Variants in FMNL1 observed in about 807,000 individuals in gnomAD.
FMNL1 encodes formin like 1, also known as formin-like protein 1.
FMNL1 carries 43 observed loss-of-function variants against 121.3 expected under a neutral mutation model. The ratio of observed to expected loss-of-function variants is 0.35; its 90% confidence interval spans 0.28 to 0.46. The LOEUF is 0.46. FMNL1 is among the 20% of genes least tolerant of loss of function. FMNL1 has a pLI of 1.00. For synonymous variants in FMNL1, 613 were observed against 613.5 expected (o/e 1.00, Z 0.01); for missense variants, 1,191 against 1,482.4 (o/e 0.80, Z 3.23).
chr17:45,228,774 G>A (rs1304719521), intron 1 of FMNL1, among the ~76,000 whole-genome samples: 1 of 152,182 alleles, frequency 6.6e-6, no homozygotes, highest in East Asian at 1.9e-4. Context: ...ATGTCGGGAA[G>A]CAGCTGTCCC....
Position 45,242,063 on chromosome 17 carries a change from TGCCTCCGCC to T in FMNL1, c.1806_1814del (p.Pro610_Pro612del). 1 of 1,414,322 alleles carries T rather than the reference TGCCTCCGCC, an allele frequency of 7.1e-7. No homozygotes were observed. The highest frequency in any genetic ancestry group is 1.2e-5 in the South Asian group (1 of 80,616). 87.6% of individuals were successfully genotyped at this position (1,414,322 alleles called of 1,614,324 possible). On this transcript the variant is annotated inframe_deletion, in exon 15 of 27. Transcript: ENST00000331495. ...CCACCTCCGGGCACTGACGGGCCGG[TGCCTCCGCC>T]GCCGCCGCCGCCGCCGCCGCCTCCC...
In FMNL1 at chr17:45,234,086, G is replaced by T. The variant is rs1439516512; in HGVS notation, c.500G>T (p.Ser167Ile). Residue 167 changes from serine (S) to isoleucine (I), a missense_variant, in exon 6 of 27, where the codon AGC (serine) becomes ATC (isoleucine). Transcript: ENST00000331495. ...AQCSVTYDME[S>I]TDNGASNSEK... is the part of the protein sequence containing the mutation. Reference sequence around the variant, plus strand: ...CCTGTCCCCAGGTATGACATGGAGAGCACAGACAACGGGGCTTCCAACTCA... The same window carrying T: ...CCTGTCCCCAGGTATGACATGGAGATCACAGACAACGGGGCTTCCAACTCA... 6.2e-7 allele frequency: 1 copy of T among 1,614,084 alleles called. No individual in the cohort carries two copies. Among genetic ancestry groups the T allele is most frequent in the South Asian group, 1.1e-5 (1 of 91,078 alleles).
At chr17:45,239,849 G>A (rs1263838644) in intron 11 of FMNL1, among the ~76,000 whole-genome samples, 3 of 150,968 alleles carry the variant, frequency 2.0e-5, no homozygotes, top group African/African-American at 4.9e-5. Flanking sequence ...AGGCTAGAGT[G>A]CAGTGACACG....
chr17:45,228,499 C>T (rs998304237), intron 1 of FMNL1, among the ~76,000 whole-genome samples: 7 of 152,212 alleles, frequency 4.6e-5, no homozygotes, highest in African/African-American at 1.2e-4. Context: ...TTACTGGCTT[C>T]GTAACCTTGG....
At chr17:45,246,007 G>A (rs758762659) in intron 24 of FMNL1, 34 bp downstream of exon 24, 4 of 1,524,432 alleles carry the variant, frequency 2.6e-6, no homozygotes, top group Non-Finnish European at 3.5e-6. Context: ...GTACTGGGCT[G>A]CAGGGATGCA....
intron 1 of FMNL1, among the ~76,000 whole-genome samples, chr17:45,227,575 C>G (rs2043354176): frequency 1.3e-5 from 2 of 152,188 alleles, no homozygotes; most frequent in Non-Finnish European, 2.9e-5. Context: ...TAGGCTGAGG[C>G]TAGTTAAGGT....
chr17:45,230,483 G>T, intron 1 of FMNL1, 121 bp from the exon 2 acceptor site: 1 of 804,594 alleles, frequency 1.2e-6, no homozygotes, highest in Non-Finnish European at 2.1e-6. Flanking sequence ...CCTAGGGTCA[G>T]AGGATTCATG....
chr17:45,233,558 C>T lies in FMNL1; in HGVS notation c.402-90C>T. Reference sequence around the variant, plus strand: ...ATTGGGTCTTTGGGGGTTGAAAGGGCACCCCAGGGGTCCTTGCTGTCCCTG... The same window carrying T: ...ATTGGGTCTTTGGGGGTTGAAAGGGTACCCCAGGGGTCCTTGCTGTCCCTG... On this transcript the variant is annotated intron_variant, in intron 4 of 26. Coordinates refer to ENST00000331495, the MANE Select transcript of FMNL1 (RefSeq NM_005892.4). This position sits in a 1 kb window ranked among gnomAD's most constrained non-coding sequence, Gnocchi z 4.1. 1 of 1,471,172 alleles carries T rather than the reference C, an allele frequency of 6.8e-7. No individual in the cohort carries two copies. Among genetic ancestry groups the T allele is most frequent in the Non-Finnish European group, 9.4e-7 (1 of 1,066,284 alleles). The allele number at this position is 1,471,172 out of a possible 1,614,324, so 91.1% of individuals were successfully genotyped here.
rs765383101 is a variant in FMNL1 at position 45,245,962 on chromosome 17, C to T, written c.3079C>T (p.Pro1027Ser). ...GADTPGKGEP[P>S]APKSPPKARR... Reference sequence around the variant, plus strand: ...TGATACCCCGGGCAAAGGGGAGCCCCCAGCACCCAAGGTAGGCAACTGCTC... The same window carrying T: ...TGATACCCCGGGCAAAGGGGAGCCCTCAGCACCCAAGGTAGGCAACTGCTC... Residue 1027 changes from proline (P) to serine (S), a missense_variant, in exon 24 of 27, where the codon CCA becomes TCA. Coordinates refer to ENST00000331495, the MANE Select transcript of FMNL1 (RefSeq NM_005892.4). The T allele has an allele frequency of 2.6e-6, 4 of 1,564,546 alleles. No homozygotes were observed. Among genetic ancestry groups the T allele is most frequent in the Non-Finnish European group, 3.4e-6 (4 of 1,161,452 alleles).
rs2043613465 is a variant in FMNL1, at chr17:45,238,806, A to T, written c.970-149A>T. The T allele has an allele frequency of 3.7e-6, 4 of 1,067,470 alleles. No individual in the cohort carries two copies. The South Asian group carries it at 5.8e-5, about 15-fold the overall frequency. The allele number at this position is 1,067,470 out of a possible 1,614,324, so 66.1% of individuals were successfully genotyped here. ...TGGCAGGGGGCTGGATTGAGGGAAC[A>T]TGGAGGTGAAATGTTGGGCAGGCCA... is the stretch of plus-strand genomic sequence containing the variant. On this transcript the variant is annotated intron_variant, in intron 10 of 26. Transcript: ENST00000331495.
At position 45,241,451 on chromosome 17, in the gene FMNL1, G is replaced by A. The variant is rs556132624; in HGVS notation, c.1402G>A (p.Ala468Thr). The A allele has an allele frequency of 3.2e-6, 5 of 1,566,808 alleles. No homozygotes were observed. In the South Asian group the frequency reaches 4.7e-5, roughly 15 times the overall value. ...RPPEPEKAPP[A>T]APTRPSALEL... ...CCCAGAGCCTGAGAAAGCGCCTCCC[G>A]CTGCCCCGACGCGGCCCTCGGCCCT... The change falls in exon 14 of 27, where the codon GCT becomes ACT. Residue 468 changes from alanine to threonine, a missense_variant. By Grantham distance (58) the Ala-to-Thr change is moderately conservative. This residue lies in a region of FMNL1 where 519 missense variants were observed against 492.8 expected (regional missense o/e 1.05). Coordinates refer to ENST00000331495, the MANE Select transcript of FMNL1 (RefSeq NM_005892.4). The surrounding 1 kb of genome is among the most constrained non-coding windows in gnomAD (Gnocchi z 7.0).
chr17:45,230,390 T>G (rs573767492), intron 1 of FMNL1, among the ~76,000 whole-genome samples: 14 of 152,248 alleles, frequency 9.2e-5, no homozygotes, highest in African/African-American at 3.4e-4. Flanking sequence ...CAAATCCTGC[T>G]CTCCCTTCTA....
rs1228289595 is a variant in FMNL1 at position 45,234,119 on chromosome 17, A to T, written c.533A>T (p.Asn178Ile). The change falls in exon 6 of 27, where the codon AAC becomes ATC. Residue 178 changes from asparagine (N) to isoleucine (I), a missense_variant. Physicochemically the swap from Asn to Ile is moderately radical, Grantham distance 149. Coordinates refer to ENST00000331495, the MANE Select transcript of FMNL1 (RefSeq NM_005892.4). Reference sequence around the variant, plus strand: ...AACGGGGCTTCCAACTCAGAGAAAAACAAGCCCCTGGAGCAGTCTGTGGAA... The same window carrying T: ...AACGGGGCTTCCAACTCAGAGAAAATCAAGCCCCTGGAGCAGTCTGTGGAA... ...TDNGASNSEKNKPLEQSVEDL... is the reference protein window; with the variant it reads ...TDNGASNSEKIKPLEQSVEDL... 1 of 1,613,976 alleles carries T rather than the reference A, an allele frequency of 6.2e-7. No individual in the cohort carries two copies. The highest frequency in any genetic ancestry group is 1.7e-5 in the Admixed American group (1 of 59,994).
chr17:45,241,956 C>G lies in FMNL1; in HGVS notation c.1695C>G (p.Ala565=). ...QEAPPSAPPQ[A]PPLPGSPEPP... ...CCCCGCCCTCTGCGCCCCCACAGGC[C>G]CCGCCTCTCCCTGGCAGCCCGGAGC... Residue 565 remains alanine (A), a synonymous_variant, in exon 15 of 27, where the codon GCC becomes GCG. Transcript: ENST00000331495. The surrounding 1 kb of genome is among the most constrained non-coding windows in gnomAD (Gnocchi z 7.0). The G allele has an allele frequency of 1.5e-6, 2 of 1,346,064 alleles. No homozygotes were observed. The highest frequency in any genetic ancestry group is 1.9e-6 in the Non-Finnish European group (2 of 1,053,268). The allele number at this position is 1,346,064 out of a possible 1,614,324, so 83.4% of individuals were successfully genotyped here. A position where few individuals can be genotyped will look rare whatever the true frequency, so the allele number is the denominator to read the frequency against.
chr17:45,228,387 G>C (rs1477083975), intron 1 of FMNL1, among the ~76,000 whole-genome samples: 3 of 152,230 alleles, frequency 2.0e-5, no homozygotes, highest in Non-Finnish European at 4.4e-5. Flanking sequence ...CCCCAGCAGA[G>C]GCCTCCCCTC....
chr17:45,242,052 T>C lies in FMNL1; in HGVS notation c.1791T>C (p.Thr597=). 1.4e-6 allele frequency: 2 copies of C among 1,386,464 alleles called. No individual in the cohort carries two copies. The highest frequency in any genetic ancestry group is 1.9e-6 in the Non-Finnish European group (2 of 1,056,350). The allele number at this position is 1,386,464 out of a possible 1,614,324, so 85.9% of individuals were successfully genotyped here. The change falls in exon 15 of 27, where the codon ACT becomes ACC. Residue 597 remains threonine (T), a synonymous_variant. Coordinates refer to ENST00000331495, the MANE Select transcript of FMNL1 (RefSeq NM_005892.4). ...CGCCACCGCCACCACCTCCGGGCAC[T>C]GACGGGCCGGTGCCTCCGCCGCCGC... The part of the protein sequence containing the change: ...PPPPPPPPPG[T]DGPVPPPPPP...
chr17:45,246,270 CAGA>C lies in FMNL1; in HGVS notation c.3154_3156del (p.Lys1052del). ...CATCTCTGAGCTGAAACGGAGGCAGCAGAAGGAGCCACTCATTTATGAGAGCGA... is the reference window on the plus strand; with the variant it reads ...CATCTCTGAGCTGAAACGGAGGCAGCAGGAGCCACTCATTTATGAGAGCGA... On this transcript the variant is annotated inframe_deletion, in exon 25 of 27. Coordinates refer to ENST00000331495, the MANE Select transcript of FMNL1 (RefSeq NM_005892.4). 1 of 1,613,982 alleles carries C rather than the reference CAGA, an allele frequency of 6.2e-7. No homozygotes were observed. Among genetic ancestry groups the C allele is most frequent in the African/African-American group, 1.3e-5 (1 of 75,044 alleles).
intron 1 of FMNL1, among the ~76,000 whole-genome samples, chr17:45,230,169 C>A (rs1598184864): frequency 7.6e-6 from 1 of 130,968 alleles, no homozygotes; most frequent in Non-Finnish European, 1.7e-5. Flanking sequence ...TGGCCACTGG[C>A]CACTGGCCAC....
intron 12 of FMNL1, 88 bp downstream of exon 12, chr17:45,240,713 A>G: frequency 6.7e-7 from 1 of 1,495,974 alleles, no homozygotes; most frequent in Non-Finnish European, 9.0e-7. Flanking sequence ...GGCACTGGGC[A>G]GCAGACAGTG....
Sources: allele counts gnomAD v4.1 joint callset (sites outside exome capture counted in the v4.1 genomes callset), GRCh38; gene constraint gnomAD v4.1.1; regional missense constraint gnomAD v4.1.1; non-coding constraint Gnocchi (gnomAD v3.1); transcripts MANE v1.5; gene names NCBI Gene and HGNC (gene_info 2026-07-23, HGNC 2026-07-21).